Variants in TMC7 observed in about 807,000 individuals in gnomAD.
TMC7 encodes transmembrane channel-like protein 7.
Under a neutral mutation model 82.9 loss-of-function variants are expected in TMC7, and 54 were observed. That is an observed-to-expected ratio of 0.65 (90% CI 0.52 to 0.82). The LOEUF is 0.82. Among genes scored for constraint, TMC7 ranks in the 40% least tolerant of loss-of-function variants. The probability of loss-of-function intolerance (pLI) is 0.00; values close to 1 mark genes in which losing one functional copy is unlikely to be tolerated. For missense variants in TMC7, 820 were observed against 901.2 expected (o/e 0.91, Z 1.15); for synonymous variants, 350 against 337.9 (o/e 1.04, Z -0.39).
intron 4 of TMC7, among the ~76,000 whole-genome samples, chr16:19,022,627 C>G (rs1960031284): frequency 6.6e-6 from 1 of 152,222 alleles, no homozygotes; most frequent in Non-Finnish European, 1.5e-5. Context: ...TAAGTCCACT[C>G]CGTGATGTTC....
At chr16:18,988,422 T>C (rs1393153577) in intron 1 of TMC7, among the ~76,000 whole-genome samples, 1 of 152,162 alleles carries the variant, frequency 6.6e-6, no homozygotes, top group Non-Finnish European at 1.5e-5. Context: ...CCCAAAGTGC[T>C]GGGACTACAG....
At chr16:19,004,798 G>A (rs1352231851) in intron 1 of TMC7, among the ~76,000 whole-genome samples, 1 of 152,104 alleles carries the variant, frequency 6.6e-6, no homozygotes, top group Non-Finnish European at 1.5e-5. Context: ...GTGTGAGCAA[G>A]CAACACTTAC....
intron 12 of TMC7, 23 bp from the exon 13 acceptor site, chr16:19,051,663 T>C (rs962866144): frequency 6.2e-7 from 1 of 1,611,504 alleles, no homozygotes; most frequent in South Asian, 1.1e-5. Flanking sequence ...GATCTTAATT[T>C]TTCTTTCTTT....
At position 19,062,956 on chromosome 16, in the gene TMC7, G is replaced by A. The variant is rs886702635; in HGVS notation, c.*1113G>A. 2.0e-5 allele frequency: 3 copies of A among 152,030 alleles called. No individual in the cohort carries two copies. Among genetic ancestry groups the A allele is most frequent in the Admixed American group, 1.3e-4 (2 of 15,248 alleles). 9.4% of individuals were successfully genotyped at this position (152,030 alleles called of 1,614,324 possible). ...TGTTGCTGTTAACAATAATTCTCCC[G>A]GCCATCTCCACTCCACTACTCAAAA... is the stretch of plus-strand genomic sequence containing the variant. On this transcript the variant is annotated 3_prime_UTR_variant, in exon 16 of 16. Transcript: ENST00000304381.
At chr16:19,011,942 G>A (rs577564932) in intron 2 of TMC7, among the ~76,000 whole-genome samples, 7 of 152,108 alleles carry the variant, frequency 4.6e-5, no homozygotes, top group East Asian at 1.9e-4. Context: ...AGGAGTTCGC[G>A]ACCAGCCTGG....
intron 5 of TMC7, among the ~76,000 whole-genome samples, chr16:19,025,143 C>T (rs1309283203): frequency 1.3e-5 from 2 of 152,156 alleles, no homozygotes; most frequent in Non-Finnish European, 2.9e-5. Context: ...TCTCTACCCA[C>T]TAGATGCCAG....
chr16:19,048,984 T>G (rs2142295299), intron 12 of TMC7, among the ~76,000 whole-genome samples: 1 of 152,302 alleles, frequency 6.6e-6, no homozygotes, highest in African/African-American at 2.4e-5. Context: ...CAAATTATCA[T>G]GCACTGATTA....
At chr16:19,003,668 T>A (rs540321623) in intron 1 of TMC7, among the ~76,000 whole-genome samples, 61 of 126,456 alleles carry the variant, frequency 4.8e-4, no homozygotes, top group African/African-American at 1.8e-3. Context: ...TGGGAGACTT[T>A]TCATTTTGTT....
chr16:19,005,055 A>ATTTT (rs1306292309), intron 1 of TMC7, among the ~76,000 whole-genome samples: 33 of 139,352 alleles, frequency 2.4e-4, no homozygotes, highest in Admixed American at 8.1e-4. Context: ...TAAATACTTT[A>ATTTT]TTTTATTTAT....
intron 1 of TMC7, 46 bp downstream of exon 1, chr16:18,984,176 G>A (rs2038801287): frequency 6.9e-7 from 1 of 1,456,198 alleles, no homozygotes; most frequent in African/African-American, 1.5e-5. Context: ...CCTGGGGTCC[G>A]AGGGCGCACG....
chr16:19,005,366 G>A (rs1029219565), intron 1 of TMC7, among the ~76,000 whole-genome samples: 2 of 152,182 alleles, frequency 1.3e-5, no homozygotes, highest in Non-Finnish European at 1.5e-5. Context: ...GGGATTACAG[G>A]CGTGAGCCAC....
chr16:19,039,989 G>A (rs750868914), intron 8 of TMC7, among the ~76,000 whole-genome samples: 23 of 151,720 alleles, frequency 1.5e-4, no homozygotes, highest in Non-Finnish European at 1.6e-4. Flanking sequence ...GGTGGGGGGT[G>A]CCTGTAGTCC....
intron 1 of TMC7, among the ~76,000 whole-genome samples, chr16:18,987,200 A>G (rs1387662798): frequency 2.0e-5 from 3 of 152,128 alleles, no homozygotes; most frequent in East Asian, 3.9e-4. Flanking sequence ...CAATGCACCC[A>G]TCTCACTTCC....
At chr16:19,022,610 GT>G (rs1960030102) in intron 4 of TMC7, among the ~76,000 whole-genome samples, 1 of 152,194 alleles carries the variant, frequency 6.6e-6, no homozygotes, top group Non-Finnish European at 1.5e-5. Flanking sequence ...TCCCATCTAG[GT>G]TTGCGTAAGT....
At chr16:19,022,800 G>A (rs1960041236) in intron 4 of TMC7, among the ~76,000 whole-genome samples, 2 of 152,316 alleles carry the variant, frequency 1.3e-5, no homozygotes, top group Admixed American at 1.3e-4. Flanking sequence ...AGGCTGAGGT[G>A]GGTGGATCAC....
In TMC7 at chr16:19,062,963, T is replaced by A. The variant is rs1006845860; in HGVS notation, c.*1120T>A. ...GTTAACAATAATTCTCCCGGCCATC[T>A]CCACTCCACTACTCAAAAATGCCTG... On this transcript the variant is annotated 3_prime_UTR_variant, in exon 16 of 16. Coordinates refer to ENST00000304381, the MANE Select transcript of TMC7 (RefSeq NM_024847.4). 1 of 152,168 alleles carries A rather than the reference T, an allele frequency of 6.6e-6. No homozygotes were observed. Among genetic ancestry groups the A allele is most frequent in the Non-Finnish European group, 1.5e-5 (1 of 68,024 alleles). The allele number at this position is 152,168 out of a possible 1,614,324, so 9.4% of individuals were successfully genotyped here.
At chr16:19,027,220 G>A (rs1393661479) in intron 5 of TMC7, among the ~76,000 whole-genome samples, 1 of 150,120 alleles carries the variant, frequency 6.7e-6, no homozygotes, top group East Asian at 2.0e-4. Context: ...AGGTGTGTAT[G>A]ATGACGCCCA....
intron 5 of TMC7, among the ~76,000 whole-genome samples, chr16:19,029,300 C>T (rs570427985): frequency 3.0e-4 from 46 of 151,966 alleles, no homozygotes; most frequent in African/African-American, 1.0e-3. Context: ...CCACCGTGCC[C>T]GGCACGAGAT....
intron 5 of TMC7, among the ~76,000 whole-genome samples, chr16:19,024,037 A>G (rs1027401365): frequency 1.3e-5 from 2 of 152,200 alleles, no homozygotes; most frequent in Non-Finnish European, 1.5e-5. Context: ...TTATAAGTCA[A>G]TCCAAGGTTA....
Sources: allele counts gnomAD v4.1 joint callset (sites outside exome capture counted in the v4.1 genomes callset), GRCh38; gene constraint gnomAD v4.1.1; transcripts MANE v1.5; gene names NCBI Gene and HGNC (gene_info 2026-07-23, HGNC 2026-07-21).